PMS1: variants seen among roughly 807,000 people sequenced by gnomAD.
The protein encoded by PMS1 is PMS1 protein homolog 1.
Under a neutral mutation model 93.1 loss-of-function variants are expected in PMS1, and 79 were observed. That is an observed-to-expected ratio of 0.85 (90% CI 0.71 to 1.02). The LOEUF is 1.02. Ranked by LOEUF, PMS1 falls within the 50% of genes least tolerant of loss-of-function variation. PMS1 has a pLI of 0.00. For synonymous variants in PMS1, 335 were observed against 363.4 expected, an observed-to-expected ratio of 0.92 and a Z score of 0.89; for missense variants, 1,064 against 1,085.3, an observed-to-expected ratio of 0.98 and a Z score of 0.28.
At position 189,854,635 on chromosome 2, in the gene PMS1, A is replaced by G. The variant is rs748046504; in HGVS notation, c.1363A>G (p.Lys455Glu). 1.6e-5 allele frequency: 26 copies of G among 1,613,910 alleles called. No homozygotes were observed. Among genetic ancestry groups the G allele is most frequent in the Middle Eastern group, 1.6e-4 (1 of 6,082 alleles). ...SWENSQTEYSKTCFISSVKHT... is the reference protein window; with the variant it reads ...SWENSQTEYSETCFISSVKHT... ...GGAGAACTCTCAGACGGAATATAGTAAAACTTGTTTTATAAGTTCCGTTAA... is the reference window on the plus strand; with the variant it reads ...GGAGAACTCTCAGACGGAATATAGTGAAACTTGTTTTATAAGTTCCGTTAA... The change falls in exon 9 of 13, where the codon AAA becomes GAA. Residue 455 changes from lysine (K) to glutamate (E), a missense_variant. Coordinates refer to ENST00000441310, the MANE Select transcript of PMS1 (RefSeq NM_000534.5).
intron 5 of PMS1, among the ~76,000 whole-genome samples, chr2:189,836,856 C>T (rs186820997): frequency 7.2e-4 from 110 of 152,202 alleles, no homozygotes; most frequent in African/African-American, 2.6e-3. Context: ...TTTCTAGGAC[C>T]GATTTCCTGA....
rs143412911 is a variant in PMS1 at position 189,813,770 on chromosome 2, T to C, written c.419-4247T>C. On this transcript the variant is annotated intron_variant, in intron 4 of 12. Transcript: ENST00000441310. Reference sequence around the variant, plus strand: ...TGGGAGTAAAGAAATTTCAAAGGAATGAGAGGCTGATGTGTCCATTTCATG... The same window carrying C: ...TGGGAGTAAAGAAATTTCAAAGGAACGAGAGGCTGATGTGTCCATTTCATG... Among the ~76,000 whole-genome samples the C allele has an allele frequency of 2.0e-5, 3 of 152,324 alleles. No homozygotes were observed. In the East Asian group the frequency reaches 5.8e-4, roughly 29 times the overall value.
chr2:189,821,328 G>T (rs1156721436), intron 5 of PMS1, among the ~76,000 whole-genome samples: 1 of 151,696 alleles, frequency 6.6e-6, no homozygotes, highest in Non-Finnish European at 1.5e-5. Flanking sequence ...GGTGGCATGC[G>T]CCTGTAGTCC....
chr2:189,850,395 G>A (rs2054594286), intron 6 of PMS1, among the ~76,000 whole-genome samples: 2 of 152,124 alleles, frequency 1.3e-5, no homozygotes, highest in African/African-American at 4.8e-5. Context: ...AGGAGTATAG[G>A]ATGAGCTAGC....
intron 5 of PMS1, among the ~76,000 whole-genome samples, chr2:189,841,453 CAA>C (rs769622463): frequency 6.6e-6 from 1 of 152,146 alleles, no homozygotes; most frequent in Non-Finnish European, 1.5e-5. Context: ...ACTCTAAAAA[CAA>C]AGTGGTTTGC....
intron 5 of PMS1, among the ~76,000 whole-genome samples, chr2:189,838,528 C>A (rs931373542): frequency 5.3e-5 from 8 of 152,230 alleles, no homozygotes; most frequent in African/African-American, 1.9e-4. Context: ...GTTACTACCA[C>A]CATTCCAGTT....
chr2:189,806,435 T>C, intron 4 of PMS1: 2 of 322,070 alleles, frequency 6.2e-6, no homozygotes, highest in South Asian at 3.0e-5. Context: ...TCTCACTCTG[T>C]CACACAGGCT....
chr2:189,785,190 T>C (rs1048636736), intron 1 of PMS1, among the ~76,000 whole-genome samples: 8 of 152,262 alleles, frequency 5.3e-5, no homozygotes, highest in African/African-American at 1.9e-4. Context: ...TGAAATTGAC[T>C]TAAGAGAATG....
chr2:189,826,067 C>A lies in PMS1; in HGVS notation c.582+7887C>A, dbSNP rs5743056. Among the ~76,000 whole-genome samples, 510 of 152,254 alleles carry A rather than the reference C, an allele frequency of 3.3e-3. 5 individuals are homozygous for A. Among genetic ancestry groups the A allele is most frequent in the African/African-American group, 0.012 (482 of 41,558 alleles). On this transcript the variant is annotated intron_variant, in intron 5 of 12. Coordinates refer to ENST00000441310, the MANE Select transcript of PMS1 (RefSeq NM_000534.5). ...ATAAGTGATGCCCTATAATATATATCCCCTGCACTCATGATATTCTCCATG... is the reference window on the plus strand; with the variant it reads ...ATAAGTGATGCCCTATAATATATATACCCTGCACTCATGATATTCTCCATG...
intron 3 of PMS1, among the ~76,000 whole-genome samples, chr2:189,796,720 A>G (rs531637641): frequency 2.8e-4 from 43 of 152,316 alleles, no homozygotes; most frequent in African/African-American, 9.6e-4. Context: ...TTAAGGCTGA[A>G]TAATATTCCA....
At chr2:189,794,826 A>C (rs1330816672) in intron 2 of PMS1, among the ~76,000 whole-genome samples, 1 of 152,136 alleles carries the variant, frequency 6.6e-6, no homozygotes, top group African/African-American at 2.4e-5. Context: ...ATCTGATATG[A>C]TGGCTCACAC....
intron 1 of PMS1, among the ~76,000 whole-genome samples, chr2:189,790,326 C>CACTT (rs1261036248): frequency 6.6e-6 from 1 of 152,186 alleles, no homozygotes; most frequent in Non-Finnish European, 1.5e-5. Context: ...GTTATATTAT[C>CACTT]ACTTGGTCAT....
chr2:189,873,044 T>C (rs1575402808), intron 11 of PMS1, among the ~76,000 whole-genome samples: 1 of 152,348 alleles, frequency 6.6e-6, no homozygotes, highest in South Asian at 2.1e-4. Flanking sequence ...TAATTAATAA[T>C]ATCTCCATAA....
intron 12 of PMS1, among the ~76,000 whole-genome samples, chr2:189,876,051 A>ACTGT (rs2067181): frequency 0.29 from 44,130 of 150,960 alleles, 11,119 homozygotes; most frequent in African/African-American, 0.69. Flanking sequence ...GAAAGAAGAA[A>ACTGT]CTGAATCAAG....
intron 4 of PMS1, among the ~76,000 whole-genome samples, chr2:189,810,395 G>A (rs1322318442): frequency 6.6e-6 from 1 of 152,202 alleles, no homozygotes; most frequent in Non-Finnish European, 1.5e-5. Flanking sequence ...TCCTAGAAAA[G>A]AAGTGCCTGG....
rs1363384130 is a variant in PMS1 at position 189,804,339 on chromosome 2, C to T, written c.316-1313C>T. 2.6e-5 allele frequency among the ~76,000 whole-genome samples: 4 copies of T among 152,312 alleles called. No homozygotes were observed. The South Asian group carries it at 8.3e-4, about 32-fold the overall frequency. ...TAATGAGCCACAGAAAAGAAAATCTCTAGCACTTTCTGTCCTCTAAATTAC... is the reference window on the plus strand; with the variant it reads ...TAATGAGCCACAGAAAAGAAAATCTTTAGCACTTTCTGTCCTCTAAATTAC... On this transcript the variant is annotated intron_variant, in intron 3 of 12. Coordinates refer to ENST00000441310, the MANE Select transcript of PMS1 (RefSeq NM_000534.5).
At chr2:189,815,031 G>A (rs530263426) in intron 4 of PMS1, among the ~76,000 whole-genome samples, 7 of 151,470 alleles carry the variant, frequency 4.6e-5, no homozygotes, top group East Asian at 1.9e-4. Flanking sequence ...CCTAGGAGGC[G>A]GAGCTTGCAG....
intron 4 of PMS1, among the ~76,000 whole-genome samples, chr2:189,817,706 G>A (rs1235971932): frequency 6.6e-6 from 1 of 152,132 alleles, no homozygotes; most frequent in Non-Finnish European, 1.5e-5. Flanking sequence ...ACCATTCCCA[G>A]GTAGTTTGAG....
chr2:189,792,435 G>A (rs140874414), intron 2 of PMS1, among the ~76,000 whole-genome samples: 1 of 151,504 alleles, frequency 6.6e-6, no homozygotes, highest in Non-Finnish European at 1.5e-5. Flanking sequence ...ATAGAGATAT[G>A]GTCTATTTTA....
Sources: gnomAD v4.1 joint callset for allele counts (sites outside exome capture counted in the v4.1 genomes callset) on GRCh38, gnomAD v4.1.1 for gene constraint, MANE v1.5 for transcripts, NCBI Gene and HGNC (gene_info 2026-07-23, HGNC 2026-07-21) for gene names.